The following CACNA2D4 variants were observed in gnomAD, a reference collection of about 807,000 sequenced individuals.
CACNA2D4 encodes voltage-dependent calcium channel subunit alpha-2/delta-4.
CACNA2D4 carries 157 observed loss-of-function variants against 163.8 expected under a neutral mutation model. That is an observed-to-expected ratio of 0.96 (90% confidence interval 0.84 to 1.09). CACNA2D4 has a LOEUF of 1.09. Among genes scored for constraint, CACNA2D4 ranks in the 50% least tolerant of loss-of-function variants. CACNA2D4 has a pLI of 0.00. For missense variants in CACNA2D4, 1,410 were observed against 1,479.9 expected, an observed-to-expected ratio of 0.95 and a Z score of 0.78; for synonymous variants, 598 against 586.9, an observed-to-expected ratio of 1.02 and a Z score of -0.27.
chr12:1,876,190 T>C lies in CACNA2D4; in HGVS notation c.1720-853A>G, dbSNP rs150574594. On this transcript the variant is annotated intron_variant, in intron 16 of 37. Coordinates refer to ENST00000382722, the MANE Select transcript of CACNA2D4 (RefSeq NM_172364.5). Reference sequence around the variant, plus strand: ...TAGGAGACTGCTTTCTGAATACTAATTTTCTCATTTAATGTATTAGCCATA... The same window carrying C: ...TAGGAGACTGCTTTCTGAATACTAACTTTCTCATTTAATGTATTAGCCATA... Among the ~76,000 whole-genome samples, 502 of 152,360 alleles carry C rather than the reference T, an allele frequency of 3.3e-3. 4 individuals carry two copies. The highest frequency in any genetic ancestry group is 0.012 in the African/African-American group (486 of 41,588).
Position 1,885,001 on chromosome 12 carries a change from G to A in CACNA2D4, c.1144C>T (p.Gln382Ter). Residue 382 changes from glutamine (Q) to a stop codon, truncating the protein, a stop_gained, in exon 10 of 38, where the codon CAG becomes TAG. Transcript: ENST00000382722. LOFTEE classifies it high-confidence loss of function. ...ACAGTGGGCACCTGCTTCAGGATCT[G>A]GAAGGCTTCTCTCAGGGCTTGGTCC... is the stretch of plus-strand genomic sequence containing the variant. ...VVDQALREAFQILKQFQEAKQ... is the reference protein window; with the variant it reads ...VVDQALREAF The A allele has an allele frequency of 6.2e-7, 1 of 1,613,772 alleles. No individual in the cohort carries two copies. The highest frequency in any genetic ancestry group is 8.5e-7 in the Non-Finnish European group (1 of 1,179,728).
Position 1,878,549 on chromosome 12 carries a change from A to G in CACNA2D4, c.1645-160T>C. 1 of 1,359,828 alleles carries G rather than the reference A, an allele frequency of 7.4e-7. No individual in the cohort carries two copies. Among genetic ancestry groups the G allele is most frequent in the Non-Finnish European group, 1.0e-6 (1 of 987,078 alleles). 84.2% of individuals were successfully genotyped at this position (1,359,828 alleles called of 1,614,324 possible). On this transcript the variant is annotated intron_variant, in intron 15 of 37. Transcript: ENST00000382722. This position sits in a 1 kb window ranked among gnomAD's most constrained non-coding sequence, Gnocchi z 4.6. ...ACTGAGCCAGTGCCATGCTTCCATC[A>G]TTGATTGAGGAGTCCTTTCCAAACC...
chr12:1,810,190 T>C (rs1863657627), intron 29 of CACNA2D4, 88 bp downstream of exon 29: 1 of 1,126,498 alleles, frequency 8.9e-7, no homozygotes, highest in Non-Finnish European at 1.3e-6. Context: ...CCTGGGGCCG[T>C]GGGGCTCTCT....
In CACNA2D4 at chr12:1,862,786, T is replaced by C. The variant is rs185213091; in HGVS notation, c.1879-2580A>G. Among the ~76,000 whole-genome samples the C allele has an allele frequency of 3.4e-4, 52 of 152,346 alleles. 2 individuals carry two copies. Among genetic ancestry groups the C allele is most frequent in the Admixed American group, 2.9e-3 (44 of 15,302 alleles). ...TCCTTGCACAGCTTCCTTTACGAAG[T>C]GTCTGCTCAGTGCTCTGAGCATTTT... On this transcript the variant is annotated intron_variant, in intron 18 of 37. Transcript: ENST00000382722.
Position 1,828,240 on chromosome 12 carries a change from G to A in CACNA2D4, c.2551+12499C>T, listed in dbSNP as rs770927280. 11 of 1,530,968 alleles carry A rather than the reference G, an allele frequency of 7.2e-6. No homozygotes were observed. Among genetic ancestry groups the A allele is most frequent in the East Asian group, 5.0e-5 (2 of 39,830 alleles). 94.8% of individuals were successfully genotyped at this position (1,530,968 alleles called of 1,614,324 possible). On this transcript the variant is annotated intron_variant, in intron 26 of 37. Transcript: ENST00000382722. The surrounding 1 kb of genome is among the most constrained non-coding windows in gnomAD (Gnocchi z 4.2). ...TGTGAGTACACCCCTGGCCTCGGAG[G>A]GGGGTGCGGGTTGGGTGGGGGTGCC...
In CACNA2D4 at chr12:1,828,040, G is replaced by A. The variant is rs191415184; in HGVS notation, c.2551+12699C>T. 117 of 1,064,294 alleles carry A rather than the reference G, an allele frequency of 1.1e-4. 1 individual carries two copies. The highest frequency in any genetic ancestry group is 2.9e-4 in the African/African-American group (18 of 61,086). 65.9% of individuals were successfully genotyped at this position (1,064,294 alleles called of 1,614,324 possible). The stretch of plus-strand genomic sequence containing the variant: ...ACCCCTGGGCTGGAACGGGGCTCCC[G>A]CGCCTGCCTGTGCTCAGTGCTCCTC... On this transcript the variant is annotated intron_variant, in intron 26 of 37. Transcript: ENST00000382722. The surrounding 1 kb of genome is among the most constrained non-coding windows in gnomAD (Gnocchi z 4.2).
intron 2 of CACNA2D4, 45 bp from the exon 3 acceptor site, chr12:1,913,184 CA>C: frequency 7.4e-7 from 1 of 1,358,716 alleles, no homozygotes; most frequent in Non-Finnish European, 1.1e-6. Context: ...GGTTTTGTAC[CA>C]GGATAGTTGC....
At chr12:1,892,236 C>T (rs944824337) in intron 6 of CACNA2D4, among the ~76,000 whole-genome samples, 3 of 152,092 alleles carry the variant, frequency 2.0e-5, no homozygotes, top group African/African-American at 7.2e-5. Context: ...CCTTTCAGAT[C>T]AGGAGAGAAT....
Position 1,798,945 on chromosome 12 carries a change from G to T in CACNA2D4, c.2995+730C>A, listed in dbSNP as rs576205219. Among the ~76,000 whole-genome samples the T allele has an allele frequency of 6.6e-6, 1 of 152,290 alleles. No homozygotes were observed. The highest frequency in any genetic ancestry group is 2.4e-5 in the African/African-American group (1 of 41,560). ...GGGGCAGAGGAAGCCCCAAGCCAAGGCCAGCAGAAGAGAACGAAGAGCAAG... is the reference window on the plus strand; with the variant it reads ...GGGGCAGAGGAAGCCCCAAGCCAAGTCCAGCAGAAGAGAACGAAGAGCAAG... On this transcript the variant is annotated intron_variant, in intron 34 of 37. Coordinates refer to ENST00000382722, the MANE Select transcript of CACNA2D4 (RefSeq NM_172364.5). This position sits in a 1 kb window ranked among gnomAD's most constrained non-coding sequence, Gnocchi z 4.3.
intron 26 of CACNA2D4, among the ~76,000 whole-genome samples, chr12:1,831,921 G>A (rs1459720901): frequency 6.6e-6 from 1 of 152,150 alleles, no homozygotes; most frequent in Admixed American, 6.5e-5. Context: ...GTAGAAGGAG[G>A]GAGAAAAACA....
At chr12:1,893,599 CAA>C (rs1166961360) in intron 6 of CACNA2D4, among the ~76,000 whole-genome samples, 20 of 151,976 alleles carry the variant, frequency 1.3e-4, no homozygotes, top group African/African-American at 4.6e-4. Flanking sequence ...AAATCAATAA[CAA>C]GAGAAATTTT....
At chr12:1,911,404 G>A (rs1370955343) in intron 3 of CACNA2D4, among the ~76,000 whole-genome samples, 1 of 152,002 alleles carries the variant, frequency 6.6e-6, no homozygotes, top group Non-Finnish European at 1.5e-5. Flanking sequence ...GGGAGTCAGA[G>A]GACCCAAGAT....
chr12:1,812,442 G>A (rs540411613), intron 26 of CACNA2D4, among the ~76,000 whole-genome samples: 5 of 152,320 alleles, frequency 3.3e-5, no homozygotes, highest in Non-Finnish European at 5.9e-5. Context: ...AGAAATCTGG[G>A]ACAAAGAGCT....
At chr12:1,857,248 G>C (rs545843219) in intron 20 of CACNA2D4, among the ~76,000 whole-genome samples, 13 of 152,320 alleles carry the variant, frequency 8.5e-5, no homozygotes, top group African/African-American at 3.1e-4. Context: ...CCAGGTGCGG[G>C]AGAGGGGATC....
chr12:1,840,371 T>C (rs1864988065), intron 26 of CACNA2D4, among the ~76,000 whole-genome samples: 2 of 147,834 alleles, frequency 1.4e-5, no homozygotes, highest in Non-Finnish European at 3.0e-5. Context: ...AATGCCTCAG[T>C]AATGCTCTAT....
chr12:1,918,153 G>T lies in CACNA2D4; in HGVS notation c.227+94C>A, dbSNP rs555277435. The T allele has an allele frequency of 9.1e-6, 8 of 879,632 alleles. No homozygotes were observed. The East Asian group carries it at 1.9e-4, about 21-fold the overall frequency. 54.5% of individuals were successfully genotyped at this position (879,632 alleles called of 1,614,324 possible). On this transcript the variant is annotated intron_variant, in intron 1 of 37. Coordinates refer to ENST00000382722, the MANE Select transcript of CACNA2D4 (RefSeq NM_172364.5). ...GGAAAAGCCCAGAGGGAGGGCAGGG[G>T]CGGGAGGAGTGGGCAGAGGATGGAG...
chr12:1,824,136 G>C (rs1430433390), intron 26 of CACNA2D4, among the ~76,000 whole-genome samples: 5 of 152,180 alleles, frequency 3.3e-5, no homozygotes, highest in Admixed American at 6.5e-5. Flanking sequence ...CCAGGTCCCA[G>C]TTAGCTTCTC....
At chr12:1,831,297 C>CA in intron 26 of CACNA2D4, 1 of 1,613,774 alleles carries the variant, frequency 6.2e-7, no homozygotes, top group Non-Finnish European at 8.5e-7. Flanking sequence ...GCTGCTCCGC[C>CA]ACCTGGACCT....
intron 6 of CACNA2D4, among the ~76,000 whole-genome samples, chr12:1,890,386 A>T (rs545287786): frequency 1.3e-5 from 2 of 152,180 alleles, no homozygotes; most frequent in Non-Finnish European, 2.9e-5. Context: ...AGCCACCACC[A>T]TGGCTGGATG....
Sources: allele counts gnomAD v4.1 joint callset (sites outside exome capture counted in the v4.1 genomes callset), GRCh38; gene constraint gnomAD v4.1.1; non-coding constraint Gnocchi (gnomAD v3.1); transcripts MANE v1.5; gene names NCBI Gene and HGNC (gene_info 2026-07-23, HGNC 2026-07-21).